Variants in COBL observed in about 807,000 individuals in gnomAD.
COBL encodes protein cordon-bleu.
In COBL, 51 loss-of-function variants were observed where a neutral mutation model predicts 98.8. The ratio of observed to expected loss-of-function variants is 0.52; its 90% CI spans 0.41 to 0.65. COBL has a LOEUF of 0.65. COBL is among the 30% of genes least tolerant of loss of function. The pLI is 0.00. For missense variants in COBL, 1,617 were observed against 1,617.5 expected (o/e 1.00, Z 0.01); for synonymous variants, 634 against 651.7 (o/e 0.97, Z 0.41).
chr7:51,065,147 GGGAT>G, intron 7 of COBL: 1 of 701,028 alleles, frequency 1.4e-6, no homozygotes. Context: ...TAGCTGATTA[GGGAT>G]TGTCTCCCAA....
At chr7:51,257,110 T>C (rs1363189251) in intron 1 of COBL, among the ~76,000 whole-genome samples, 5 of 152,070 alleles carry the variant, frequency 3.3e-5, no homozygotes, top group African/African-American at 9.7e-5. Context: ...ATGGCAAAGA[T>C]GAGATGCAAA....
chr7:51,017,359 G>C lies in COBL; in HGVS notation c.*192C>G. 1.6e-6 allele frequency: 1 copy of C among 627,718 alleles called. No homozygotes were observed. The highest frequency in any genetic ancestry group is 2.9e-6 in the Non-Finnish European group (1 of 349,584). The allele number at this position is 627,718 out of a possible 1,614,324, so 38.9% of individuals were successfully genotyped here. A position where few individuals can be genotyped will look rare whatever the true frequency, so the allele number is the denominator to read the frequency against. ...CACATTTCCTTGGCACACGAGCTGC[G>C]CAGCGACACAGCATCTTCTCCTTTC... On this transcript the variant is annotated 3_prime_UTR_variant, in exon 13 of 13. Coordinates refer to ENST00000265136, the MANE Select transcript of COBL (RefSeq NM_015198.5).
In COBL at chr7:51,233,232, A is replaced by T. The variant is rs557711404; in HGVS notation, c.42-13288T>A. On this transcript the variant is annotated intron_variant, in intron 1 of 12. Coordinates refer to ENST00000265136, the MANE Select transcript of COBL (RefSeq NM_015198.5). ...GCATCTGCAGAGACAGGCTGGCCAA[A>T]TCAGTGCTGCCTTCAGCTCAGAAGA... Among the ~76,000 whole-genome samples, 24 of 152,344 alleles carry T rather than the reference A, an allele frequency of 1.6e-4. No homozygotes were observed. The East Asian group carries it at 4.6e-3, about 29-fold the overall frequency.
chr7:51,037,352 A>T (rs1210269546), intron 8 of COBL, among the ~76,000 whole-genome samples: 1 of 152,232 alleles, frequency 6.6e-6, no homozygotes, highest in Non-Finnish European at 1.5e-5. Context: ...ACTGACCAGG[A>T]AATTGAACCA....
At chr7:51,129,840 G>A (rs73697810) in intron 6 of COBL, among the ~76,000 whole-genome samples, 2 of 152,130 alleles carry the variant, frequency 1.3e-5, no homozygotes, top group Non-Finnish European at 2.9e-5. Flanking sequence ...GCCAGCAGAG[G>A]CTTTAAAGCA....
At chr7:51,267,011 G>T (rs1798275930) in intron 1 of COBL, among the ~76,000 whole-genome samples, 1 of 151,954 alleles carries the variant, frequency 6.6e-6, no homozygotes, top group African/African-American at 2.4e-5. Flanking sequence ...TTTCCACAGG[G>T]CTTTGCGATA....
At chr7:51,234,426 C>G (rs763059939) in intron 1 of COBL, among the ~76,000 whole-genome samples, 1 of 152,194 alleles carries the variant, frequency 6.6e-6, no homozygotes, top group Non-Finnish European at 1.5e-5. Flanking sequence ...AAAGGCCGAG[C>G]GCAGTGACTC....
rs771596666 is a variant in COBL, at chr7:51,028,460, G to C, written c.2636C>G (p.Pro879Arg). Reference protein sequence around the residue: ...ASAIAKRIGAPKVHADVVRPH... With the variant: ...ASAIAKRIGARKVHADVVRPH... ...CCTCACCACATCAGCATGGACTTTT[G>C]GGGCTCCTATGCGCTTGGCAATGGC... is the stretch of plus-strand genomic sequence containing the variant. Residue 879 changes from proline (P) to arginine (R), a missense_variant, in exon 10 of 13, where the codon CCA (proline) becomes CGA (arginine). Around this residue, in one of 3 missense-constraint regions of COBL, gnomAD observed 1,304 missense variants for 1,282.0 expected, o/e 1.02. Transcript: ENST00000265136. The C allele has an allele frequency of 2.5e-6, 4 of 1,614,130 alleles. No homozygotes were observed. The highest frequency in any genetic ancestry group is 3.4e-6 in the Non-Finnish European group (4 of 1,180,054).
intron 5 of COBL, among the ~76,000 whole-genome samples, chr7:51,146,668 G>C (rs1179989989): frequency 7.2e-6 from 1 of 137,974 alleles, no homozygotes; most frequent in African/African-American, 2.6e-5. Flanking sequence ...GGGGGGAGGG[G>C]GGCAATAGCC....
intron 2 of COBL, among the ~76,000 whole-genome samples, chr7:51,206,022 A>C (rs1047623028): frequency 3.3e-5 from 5 of 152,230 alleles, no homozygotes; most frequent in Non-Finnish European, 4.4e-5. Context: ...CAATTTTATC[A>C]AAAAGACAAA....
At chr7:51,157,816 T>C (rs1372518014) in intron 5 of COBL, among the ~76,000 whole-genome samples, 3 of 152,292 alleles carry the variant, frequency 2.0e-5, no homozygotes, top group Non-Finnish European at 4.4e-5. Context: ...CACAAAAATA[T>C]AAGTATGTGA....
At chr7:51,237,588 T>C (rs894295842) in intron 1 of COBL, among the ~76,000 whole-genome samples, 1 of 144,414 alleles carries the variant, frequency 6.9e-6, no homozygotes, top group African/African-American at 2.6e-5. Context: ...TAGTAATACA[T>C]ATGCCATATG....
chr7:51,252,107 C>T (rs1028881666), intron 1 of COBL, among the ~76,000 whole-genome samples: 1 of 151,904 alleles, frequency 6.6e-6, no homozygotes, highest in East Asian at 1.9e-4. Context: ...AATCAAGGTT[C>T]GTGCACTGCA....
intron 1 of COBL, among the ~76,000 whole-genome samples, chr7:51,290,769 C>T (rs2129186696): frequency 6.6e-6 from 1 of 152,234 alleles, no homozygotes; most frequent in African/African-American, 2.4e-5. Flanking sequence ...ACACCTGGGC[C>T]AGCACCCTTT....
intron 7 of COBL, among the ~76,000 whole-genome samples, chr7:51,053,509 T>C (rs1250142664): frequency 6.6e-6 from 1 of 152,250 alleles, no homozygotes; most frequent in East Asian, 1.9e-4. Context: ...CAACGTTTAG[T>C]GTGCAATAAC....
intron 5 of COBL, among the ~76,000 whole-genome samples, chr7:51,141,606 G>A (rs754467670): frequency 2.6e-5 from 4 of 151,856 alleles, no homozygotes; most frequent in South Asian, 2.1e-4. Context: ...CTTAGACGAT[G>A]CTGCCCCCTT....
chr7:51,214,729 C>T (rs1450166237), intron 2 of COBL, among the ~76,000 whole-genome samples: 25 of 152,180 alleles, frequency 1.6e-4, no homozygotes. Flanking sequence ...AAATGCATGT[C>T]AATTTTGTAT....
At chr7:51,283,084 A>T (rs1195574629) in intron 1 of COBL, among the ~76,000 whole-genome samples, 1 of 152,198 alleles carries the variant, frequency 6.6e-6, no homozygotes, top group Non-Finnish European at 1.5e-5. Flanking sequence ...AAAATTCTCA[A>T]ACTAATCATT....
At chr7:51,219,716 C>A (rs772298477) in intron 2 of COBL, 25 bp downstream of exon 2, 1 of 1,608,008 alleles carries the variant, frequency 6.2e-7, no homozygotes, top group Non-Finnish European at 8.5e-7. Flanking sequence ...AGTACAGCGA[C>A]TCCTCCTGCA....
Sources: gnomAD v4.1 joint callset for allele counts (sites outside exome capture counted in the v4.1 genomes callset) on GRCh38, gnomAD v4.1.1 for gene constraint, gnomAD v4.1.1 regional missense constraint, MANE v1.5 for transcripts, NCBI Gene and HGNC (gene_info 2026-07-23, HGNC 2026-07-21) for gene names.